The following ZNF331 variants were observed in gnomAD, a reference collection of about 807,000 sequenced individuals.
ZNF331 encodes C2H2-like zinc finger protein rearranged in thyroid adenomas.
A neutral mutation model predicts 7.0 loss-of-function variants in ZNF331; 2 were observed. The ratio of observed to expected loss-of-function variants is 0.29; its 90% CI spans 0.12 to 0.90. The LOEUF is 0.90. ZNF331 is among the 40% of genes least tolerant of loss of function. The pLI, the probability that ZNF331 is intolerant of heterozygous loss-of-function variation, is 0.58. For missense variants in ZNF331, 432 were observed against 587.7 expected (o/e 0.74, Z 2.74); for synonymous variants, 196 against 205.4 (o/e 0.95, Z 0.39).
At position 53,576,803 on chromosome 19, in the gene ZNF331, T is replaced by G; in HGVS notation, c.243T>G (p.Arg81=). ...NSDRRSKSLG[R]NWICEGTLER... The stretch of plus-strand genomic sequence containing the variant: ...ATAGAAGAAGTAAATCCCTTGGCCG[T>G]AACTGGATATGTGAAGGTACGCTTG... Residue 81 remains arginine, a synonymous_variant, in exon 6 of 6, where the codon CGT becomes CGG. Coordinates refer to ENST00000449416, the MANE Select transcript of ZNF331 (RefSeq NM_001079906.2). 1 of 1,614,160 alleles carries G rather than the reference T, an allele frequency of 6.2e-7. No individual in the cohort carries two copies. The highest frequency in any genetic ancestry group is 1.6e-4 in the Middle Eastern group (1 of 6,062).
chr19:53,569,318 A>T lies in ZNF331; in HGVS notation c.-59A>T, dbSNP rs139675536. 1.6e-4 allele frequency: 252 copies of T among 1,602,952 alleles called. 1 individual carries two copies. In the Middle Eastern group the frequency reaches 1.8e-3, roughly 12 times the overall value. On this transcript the variant is annotated 5_prime_UTR_variant, in exon 4 of 6. Transcript: ENST00000449416. ...TCCACCCCTAGCTCTAGCCTCTCGG[A>T]ATTTGTCTTCTTCAGTGGAAACCCC... is the stretch of plus-strand genomic sequence containing the variant.
the ZNF331 span, among the ~76,000 whole-genome samples, chr19:53,510,137 T>C: frequency 6.6e-6 from 1 of 152,198 alleles, no homozygotes; most frequent in Admixed American, 6.5e-5. Flanking sequence ...AAGTGTCCTA[T>C]GTGATGGAAC....
upstream of ZNF331, among the ~76,000 whole-genome samples, chr19:53,534,423 G>A (rs1304198561): frequency 2.6e-5 from 4 of 152,116 alleles, no homozygotes; most frequent in African/African-American, 9.7e-5. Flanking sequence ...GAGTAGCTGG[G>A]ATTACAGGCA....
At chr19:53,541,101 ATTTCT>A (rs1306275275) in intron 2 of ZNF331, among the ~76,000 whole-genome samples, 3 of 111,190 alleles carry the variant, frequency 2.7e-5, no homozygotes, top group African/African-American at 1.1e-4. Flanking sequence ...CAATAATCAT[ATTTCT>A]TTTCTTTTTT....
intron 2 of ZNF331, chr19:53,523,220 A>ATATTTTTTTTT (rs1232863809): frequency 6.6e-6 from 1 of 151,508 alleles, no homozygotes; most frequent in Admixed American, 6.6e-5. Flanking sequence ...CAAATATACT[A>ATATTTTTTTTT]TATTTTTTTT....
At chr19:53,559,826 GTATATACA>G (rs747452652) in intron 3 of ZNF331, among the ~76,000 whole-genome samples, 1,917 of 147,594 alleles carry the variant, frequency 0.013, 43 homozygotes, top group African/African-American at 0.045. Flanking sequence ...CATAACACAC[GTATATACA>G]TATATACATA....
chr19:53,569,247 C>T (rs1600473172), intron 3 of ZNF331, 57 bp from the exon 4 acceptor site: 1 of 910,966 alleles, frequency 1.1e-6, no homozygotes, highest in Non-Finnish European at 1.8e-6. Flanking sequence ...GGTCATATTA[C>T]ATCACTATGG....
At chr19:53,569,160 C>G (rs2090318660) in intron 3 of ZNF331, 144 bp from the exon 4 acceptor site, 1 of 532,922 alleles carries the variant, frequency 1.9e-6, no homozygotes. Flanking sequence ...CTGGCCTGAT[C>G]CATGATACTC....
upstream of ZNF331, among the ~76,000 whole-genome samples, chr19:53,533,283 A>G (rs2087612247): frequency 6.6e-6 from 1 of 152,082 alleles, no homozygotes; most frequent in Non-Finnish European, 1.5e-5. Context: ...TAATTTCCAC[A>G]TATTTGTGAA....
chr19:53,576,537 G>A (rs188879831), intron 5 of ZNF331, among the ~76,000 whole-genome samples, 160 bp from the exon 6 acceptor site: 35 of 152,212 alleles, frequency 2.3e-4, no homozygotes, highest in Non-Finnish European at 4.6e-4. Flanking sequence ...AGTTAGTATT[G>A]TACCAGAAGT....
chr19:53,510,069 C>A, the ZNF331 span, among the ~76,000 whole-genome samples: 1 of 152,152 alleles, frequency 6.6e-6, no homozygotes, highest in Non-Finnish European at 1.5e-5. Flanking sequence ...GTGGGGATTA[C>A]AATTAGACAT....
chr19:53,510,190 A>T, the ZNF331 span, among the ~76,000 whole-genome samples: 1 of 152,208 alleles, frequency 6.6e-6, no homozygotes, highest in Non-Finnish European at 1.5e-5. Flanking sequence ...CTTTCTTGGC[A>T]GAGAAACACT....
intron 2 of ZNF331, among the ~76,000 whole-genome samples, chr19:53,527,269 G>A (rs1049142548): frequency 2.0e-5 from 3 of 152,250 alleles, no homozygotes; most frequent in South Asian, 4.1e-4. Flanking sequence ...TGAAGGTGCT[G>A]GTACCTTGTA....
the ZNF331 span, among the ~76,000 whole-genome samples, chr19:53,507,914 C>T: frequency 5.3e-5 from 8 of 152,098 alleles, no homozygotes; most frequent in African/African-American, 7.2e-5. Context: ...GTGGGAGAAT[C>T]GCTTGAACAT....
At chr19:53,559,380 A>G (rs1042922478) in intron 3 of ZNF331, among the ~76,000 whole-genome samples, 11 of 123,058 alleles carry the variant, frequency 8.9e-5, no homozygotes, top group Non-Finnish European at 1.9e-4. Context: ...CACACCCCAT[A>G]TATACACATA....
At chr19:53,513,415 T>G in the ZNF331 span, among the ~76,000 whole-genome samples, 1 of 152,168 alleles carries the variant, frequency 6.6e-6, no homozygotes, top group Non-Finnish European at 1.5e-5. Flanking sequence ...TAAAATTAAA[T>G]TATAACTTGT....
chr19:53,544,514 C>T lies in ZNF331; in HGVS notation c.-138+5232C>T, dbSNP rs552116648. On this transcript the variant is annotated intron_variant, in intron 2 of 5. Transcript: ENST00000449416. The stretch of plus-strand genomic sequence containing the variant: ...GAGCCGAGATCACGCCACTGCACTC[C>T]AGCCTGGGCGACAGAGCAAGACTCC... Among the ~76,000 whole-genome samples the T allele has an allele frequency of 8.9e-5, 13 of 145,512 alleles. No homozygotes were observed. In the East Asian group the frequency reaches 2.7e-3, roughly 30 times the overall value.
At chr19:53,553,422 A>G (rs1483240175) in intron 2 of ZNF331, among the ~76,000 whole-genome samples, 1 of 152,256 alleles carries the variant, frequency 6.6e-6, no homozygotes, top group African/African-American at 2.4e-5. Context: ...GGTGAAAGAT[A>G]CATAGGCTTT....
At chr19:53,556,622 G>A (rs1600381725) in intron 3 of ZNF331, among the ~76,000 whole-genome samples, 2 of 151,762 alleles carry the variant, frequency 1.3e-5, no homozygotes, top group South Asian at 2.1e-4. Flanking sequence ...ACCATGTTGG[G>A]CCTTTTTTAT....
Sources: gnomAD v4.1 joint callset for allele counts (sites outside exome capture counted in the v4.1 genomes callset) on GRCh38, gnomAD v4.1.1 for gene constraint, MANE v1.5 for transcripts, NCBI Gene and HGNC (gene_info 2026-07-23, HGNC 2026-07-21) for gene names.